Variants in NDUFAF8 observed in about 807,000 individuals in gnomAD.
NDUFAF8 encodes the protein NADH:ubiquinone oxidoreductase complex assembly factor 8, also known as NADH dehydrogenase [ubiquinone] 1 alpha subcomplex assembly factor 8.
In NDUFAF8, 9 loss-of-function variants were observed where a neutral mutation model predicts 9.9. The ratio of observed to expected loss-of-function variants is 0.91; its 90% CI spans 0.55 to 1.59. The LOEUF is 1.59. Among genes scored for constraint, NDUFAF8 ranks in the 40% most tolerant of loss-of-function variants. NDUFAF8 has a pLI of 0.00. For synonymous variants in NDUFAF8, 63 were observed against 51.2 expected, an observed-to-expected ratio of 1.23 and a Z score of -0.98; for missense variants, 114 against 113.8, an observed-to-expected ratio of 1.00 and a Z score of -0.01.
At position 81,239,398 on chromosome 17, in the gene NDUFAF8, G is replaced by A. The variant is rs2062788589; in HGVS notation, c.35G>A (p.Arg12Gln). ...AACGGAGCGGTGTGGGGCCGCGTGC[G>A]AAGCCGCCTCCGCGCCTTCCCCGAG... ...SANGAVWGRV[R>Q]SRLRAFPERL... Residue 12 changes from arginine to glutamine, a missense_variant, in exon 1 of 3, where the codon CGA becomes CAA. Transcript: ENST00000431388. 7.3e-7 allele frequency: 1 copy of A among 1,364,856 alleles called. No individual in the cohort carries two copies. Among genetic ancestry groups the A allele is most frequent in the Non-Finnish European group, 9.5e-7 (1 of 1,057,992 alleles). 84.5% of individuals were successfully genotyped at this position (1,364,856 alleles called of 1,614,324 possible).
At chr17:81,240,852 G>A (rs548376821) in intron 2 of NDUFAF8, 135 bp from the exon 3 acceptor site, 41 of 1,174,954 alleles carry the variant, frequency 3.5e-5, no homozygotes, top group Admixed American at 9.6e-5. Context: ...CCAACCAGTC[G>A]AGCCCCCACC....
At chr17:81,240,828 T>C (rs2062811410) in intron 2 of NDUFAF8, among the ~76,000 whole-genome samples, 159 bp from the exon 3 acceptor site, 1 of 152,136 alleles carries the variant, frequency 6.6e-6, no homozygotes, top group Admixed American at 6.5e-5. Context: ...AACCTGCCCA[T>C]GGGGCCCCAG....
In NDUFAF8 at chr17:81,239,445, G is replaced by A; in HGVS notation, c.82G>A (p.Glu28Lys). 1 of 1,366,288 alleles carries A rather than the reference G, an allele frequency of 7.3e-7. No homozygotes were observed. Among genetic ancestry groups the A allele is most frequent in the Non-Finnish European group, 9.4e-7 (1 of 1,061,038 alleles). The allele number at this position is 1,366,288 out of a possible 1,614,324, so 84.6% of individuals were successfully genotyped here. A position where few individuals can be genotyped will look rare whatever the true frequency, so the allele number is the denominator to read the frequency against. The change falls in exon 1 of 3, where the codon GAG becomes AAG. Residue 28 changes from glutamate to lysine, a missense_variant and splice_region_variant. By Grantham distance (56) the Glu-to-Lys change is moderately conservative. Transcript: ENST00000431388. ...FPERLAACGAEAAAYGRCVQA... is the reference protein window; with the variant it reads ...FPERLAACGAKAAAYGRCVQA... ...CGAGCGGCTGGCCGCCTGCGGGGCC[G>A]AGGTGAGGAGCCGCGGGCGGGCCAG...
chr17:81,239,738 C>T (rs1329068742), intron 2 of NDUFAF8, 60 bp downstream of exon 2: 19 of 1,473,496 alleles, frequency 1.3e-5, no homozygotes, highest in Non-Finnish European at 1.6e-5. Context: ...AGCCAGCGGG[C>T]CCCGGCTTTC....
intron 2 of NDUFAF8, among the ~76,000 whole-genome samples, chr17:81,240,599 G>C (rs1598369370): frequency 6.6e-6 from 1 of 151,728 alleles, no homozygotes; most frequent in Non-Finnish European, 1.5e-5. Context: ...AACCTGGGAG[G>C]TGGAGGTTGC....
chr17:81,239,499 GA>G, intron 1 of NDUFAF8, 52 bp downstream of exon 1: 1 of 1,428,862 alleles, frequency 7.0e-7, no homozygotes, highest in Non-Finnish European at 9.1e-7. Flanking sequence ...GCCGCGCGGG[GA>G]GGTGGCTGGG....
At chr17:81,240,214 C>A (rs1483313570) in intron 2 of NDUFAF8, 2 of 169,820 alleles carry the variant, frequency 1.2e-5, no homozygotes, top group Non-Finnish European at 2.6e-5. Flanking sequence ...GGTACCACCT[C>A]AGTGTATCTG....
Position 81,239,349 on chromosome 17 carries a change from T to A in NDUFAF8, c.-15T>A, listed in dbSNP as rs879803337. 1 of 1,366,470 alleles carries A rather than the reference T, an allele frequency of 7.3e-7. No homozygotes were observed. The highest frequency in any genetic ancestry group is 4.0e-5 in the Admixed American group (1 of 24,732). 84.6% of individuals were successfully genotyped at this position (1,366,470 alleles called of 1,614,324 possible). On this transcript the variant is annotated 5_prime_UTR_variant, in exon 1 of 3. Transcript: ENST00000431388. ...CCTAAGATGGCGGCCTCCAGGGGGCTGGGAATAGCCGCTCATGTCGGCTAA... is the reference window on the plus strand; with the variant it reads ...CCTAAGATGGCGGCCTCCAGGGGGCAGGGAATAGCCGCTCATGTCGGCTAA...
chr17:81,239,792 CT>C, intron 2 of NDUFAF8, 114 bp downstream of exon 2: 1 of 1,132,264 alleles, frequency 8.8e-7, no homozygotes, highest in Non-Finnish European at 1.2e-6. Flanking sequence ...CTGCCGCGTG[CT>C]TTAGACGCCG....
At chr17:81,239,962 A>C in intron 2 of NDUFAF8, 1 of 497,398 alleles carries the variant, frequency 2.0e-6, no homozygotes, top group Non-Finnish European at 3.6e-6. Context: ...TCGTGTTAGC[A>C]CTGCCGCCGG....
chr17:81,239,510 G>A, intron 1 of NDUFAF8, 58 bp from the exon 2 acceptor site: 1 of 1,449,834 alleles, frequency 6.9e-7, no homozygotes, highest in Non-Finnish European at 9.1e-7. Context: ...AGGTGGCTGG[G>A]AGGGAGGACG....
rs2062815637 is a variant in NDUFAF8 at position 81,241,291 on chromosome 17, T to C, written c.*275T>C. 1.1e-6 allele frequency: 1 copy of C among 935,448 alleles called. No individual in the cohort carries two copies. The highest frequency in any genetic ancestry group is 1.4e-6 in the Non-Finnish European group (1 of 695,774). 57.9% of individuals were successfully genotyped at this position (935,448 alleles called of 1,614,324 possible). A position where few individuals can be genotyped will look rare whatever the true frequency, so the allele number is the denominator to read the frequency against. Reference sequence around the variant, plus strand: ...TCGGTCAAATCCTGCAGCCTGGGGCTTACTGTGTGCAGACTGCAACATGTG... The same window carrying C: ...TCGGTCAAATCCTGCAGCCTGGGGCCTACTGTGTGCAGACTGCAACATGTG... On this transcript the variant is annotated 3_prime_UTR_variant, in exon 3 of 3. Coordinates refer to ENST00000431388, the MANE Select transcript of NDUFAF8 (RefSeq NM_001086521.2).
At position 81,239,639 on chromosome 17, in the gene NDUFAF8, G is replaced by T; in HGVS notation, c.156G>T (p.Ala52=). The T allele has an allele frequency of 6.5e-7, 1 of 1,540,486 alleles. No homozygotes were observed. ...PGGRLSKDFC[A]REFEALRSCF... is the part of the protein sequence containing the mutation. ...GCCGCCTGAGTAAGGACTTCTGCGC[G>T]CGGGAGTTCGAGGCCCTGCGGAGCT... Residue 52 remains alanine, a synonymous_variant, in exon 2 of 3, where the codon GCG becomes GCT. Transcript: ENST00000431388.
Position 81,241,173 on chromosome 17 carries a change from A to C in NDUFAF8, c.*157A>C, listed in dbSNP as rs1336952936. On this transcript the variant is annotated 3_prime_UTR_variant, in exon 3 of 3. Coordinates refer to ENST00000431388, the MANE Select transcript of NDUFAF8 (RefSeq NM_001086521.2). The stretch of plus-strand genomic sequence containing the variant: ...TGTTAGATCCTGTTTTTTCTTAACA[A>C]GTTGAGGCGTGGGTAGAGCAGGAAT... 7.1e-7 allele frequency: 1 copy of C among 1,402,186 alleles called. No individual in the cohort carries two copies. The highest frequency in any genetic ancestry group is 9.3e-7 in the Non-Finnish European group (1 of 1,073,134). The allele number at this position is 1,402,186 out of a possible 1,614,324, so 86.9% of individuals were successfully genotyped here. A position where few individuals can be genotyped will look rare whatever the true frequency, so the allele number is the denominator to read the frequency against.
Position 81,239,645 on chromosome 17 carries a change from G to A in NDUFAF8, c.162G>A (p.Glu54=), listed in dbSNP as rs893983673. 1 of 1,540,458 alleles carries A rather than the reference G, an allele frequency of 6.5e-7. No homozygotes were observed. The highest frequency in any genetic ancestry group is 2.0e-5 in the Admixed American group (1 of 50,990). The change falls in exon 2 of 3, where the codon GAG becomes GAA. Residue 54 remains glutamate (E), a synonymous_variant. Transcript: ENST00000431388. Reference sequence around the variant, plus strand: ...TGAGTAAGGACTTCTGCGCGCGGGAGTTCGAGGCCCTGCGGAGCTGCTTCG... The same window carrying A: ...TGAGTAAGGACTTCTGCGCGCGGGAATTCGAGGCCCTGCGGAGCTGCTTCG... ...GRLSKDFCAR[E]FEALRSCFAA...
In NDUFAF8 at chr17:81,241,098, T is replaced by G; in HGVS notation, c.*82T>G. On this transcript the variant is annotated 3_prime_UTR_variant, in exon 3 of 3. Transcript: ENST00000431388. ...ATGGCCCCTGGTGGCACATATCGAA[T>G]GCCTAGGGCAGAAAGGAAGTGGGAA... 3.3e-6 allele frequency: 5 copies of G among 1,523,964 alleles called. No homozygotes were observed. Among genetic ancestry groups the G allele is most frequent in the Non-Finnish European group, 4.4e-6 (5 of 1,130,928 alleles). 94.4% of individuals were successfully genotyped at this position (1,523,964 alleles called of 1,614,324 possible).
chr17:81,240,137 A>G (rs555470017), intron 2 of NDUFAF8: 75 of 207,642 alleles, frequency 3.6e-4, no homozygotes, highest in African/African-American at 1.6e-3. Context: ...AACTGGCACG[A>G]TAGGGCTTCT....
intron 2 of NDUFAF8, among the ~76,000 whole-genome samples, chr17:81,240,684 G>A (rs796602915): frequency 4.0e-5 from 6 of 148,416 alleles, no homozygotes; most frequent in East Asian, 4.1e-4. Flanking sequence ...AAAAAAAAGG[G>A]GGGGGGCTCC....
chr17:81,239,576 G>A lies in NDUFAF8; in HGVS notation c.93G>A (p.Ala31=). ...GCCCGTCCTTTCCGCAGGCCGCGGC[G>A]TACGGCAGGTGCGTGCAGGCCTCCA... ...RLAACGAEAA[A]YGRCVQASTA... Residue 31 remains alanine, a synonymous_variant, in exon 2 of 3, where the codon GCG becomes GCA. Coordinates refer to ENST00000431388, the MANE Select transcript of NDUFAF8 (RefSeq NM_001086521.2). 1 of 1,533,940 alleles carries A rather than the reference G, an allele frequency of 6.5e-7. No individual in the cohort carries two copies. Among genetic ancestry groups the A allele is most frequent in the East Asian group, 2.5e-5 (1 of 40,446 alleles).
Sources: allele counts gnomAD v4.1 joint callset (sites outside exome capture counted in the v4.1 genomes callset), GRCh38; gene constraint gnomAD v4.1.1; transcripts MANE v1.5; gene names NCBI Gene and HGNC (gene_info 2026-07-23, HGNC 2026-07-21).